COMMD10: variants seen among roughly 807,000 people sequenced by gnomAD.
COMMD10 encodes COMM domain-containing protein 10.
COMMD10 carries 33 observed loss-of-function variants against 28.9 expected under a neutral mutation model. That is an observed-to-expected ratio of 1.14 (90% CI 0.87 to 1.53). The LOEUF (loss-of-function observed/expected upper bound fraction) is 1.53. Ranked by LOEUF, COMMD10 falls within the 40% of genes most tolerant of loss-of-function variation. The pLI is 0.00. For missense variants in COMMD10, 310 were observed against 233.4 expected, an observed-to-expected ratio of 1.33 and a Z score of -2.14; for synonymous variants, 110 against 81.7, an observed-to-expected ratio of 1.35 and a Z score of -1.87.
At chr5:116,188,501 T>A (rs532610131) in intron 5 of COMMD10, 2 of 152,292 alleles carry the variant, frequency 1.3e-5, no homozygotes, top group African/African-American at 4.8e-5. Context: ...CATGCTAATC[T>A]TCCCTTTGTC....
At chr5:116,120,214 A>G (rs6896422) in intron 4 of COMMD10, among the ~76,000 whole-genome samples, 124,291 of 151,758 alleles carry the variant, frequency 0.82, 51,089 homozygotes, top group African/African-American at 0.84. Flanking sequence ...AACTTGGGTG[A>G]CACTGGAGGC....
chr5:116,291,734 G>C (rs1751367470), intron 6 of COMMD10, among the ~76,000 whole-genome samples, 158 bp downstream of exon 6: 1 of 151,180 alleles, frequency 6.6e-6, no homozygotes, highest in Non-Finnish European at 1.5e-5. Context: ...AAGTATAGCA[G>C]AAATGAAGAG....
chr5:116,201,015 G>C (rs1748651495), intron 5 of COMMD10, among the ~76,000 whole-genome samples: 1 of 152,130 alleles, frequency 6.6e-6, no homozygotes, highest in Non-Finnish European at 1.5e-5. Flanking sequence ...CCTCTTGACT[G>C]TGAATTTCAC....
intron 4 of COMMD10, among the ~76,000 whole-genome samples, chr5:116,128,145 A>G (rs1038532719): frequency 9.9e-5 from 15 of 152,006 alleles, no homozygotes; most frequent in Non-Finnish European, 2.2e-4. Context: ...TCCTATTTTG[A>G]GGAGTTAATG....
chr5:116,292,354 T>C, intron 6 of COMMD10, 97 bp from the exon 7 acceptor site: 1 of 630,436 alleles, frequency 1.6e-6, no homozygotes, highest in Non-Finnish European at 2.5e-6. Flanking sequence ...TTACCAGTGC[T>C]ATTTTTTCCT....
intron 5 of COMMD10, among the ~76,000 whole-genome samples, chr5:116,244,518 C>G (rs1749889849): frequency 6.6e-6 from 1 of 151,522 alleles, no homozygotes; most frequent in Non-Finnish European, 1.5e-5. Context: ...ATGAGATGTT[C>G]AAGAGCTATG....
intron 5 of COMMD10, among the ~76,000 whole-genome samples, chr5:116,267,352 C>T (rs1377397803): frequency 6.6e-6 from 1 of 151,812 alleles, no homozygotes; most frequent in Non-Finnish European, 1.5e-5. Flanking sequence ...TTCACAATGG[C>T]TTCAAAGAGA....
At chr5:116,173,553 G>C (rs1162463424) in intron 5 of COMMD10, among the ~76,000 whole-genome samples, 1 of 151,996 alleles carries the variant, frequency 6.6e-6, no homozygotes, top group Non-Finnish European at 1.5e-5. Flanking sequence ...TTTTAAAAAA[G>C]ACTATTTCAT....
At chr5:116,115,187 G>C (rs1751191161) in intron 4 of COMMD10, among the ~76,000 whole-genome samples, 1 of 152,112 alleles carries the variant, frequency 6.6e-6, no homozygotes, top group Non-Finnish European at 1.5e-5. Context: ...CCTTTATACA[G>C]TCTCCTGGTT....
At chr5:116,144,954 T>C (rs1752298595) in intron 5 of COMMD10, among the ~76,000 whole-genome samples, 1 of 151,818 alleles carries the variant, frequency 6.6e-6, no homozygotes, top group Non-Finnish European at 1.5e-5. Context: ...AATACATTTC[T>C]TGAGAAAGTG....
intron 4 of COMMD10, among the ~76,000 whole-genome samples, chr5:116,093,280 A>G (rs1186935149): frequency 3.3e-5 from 5 of 152,226 alleles, no homozygotes; most frequent in Non-Finnish European, 7.3e-5. Flanking sequence ...AAGAACCAAA[A>G]TAGTGAGTAG....
At chr5:116,288,872 C>CTTTTTTTT (rs1157658912) in intron 5 of COMMD10, among the ~76,000 whole-genome samples, 2 of 104,358 alleles carry the variant, frequency 1.9e-5, no homozygotes, top group African/African-American at 3.7e-5. Context: ...TGTTCTCTCT[C>CTTTTTTTT]TTTTTTTTTT....
chr5:116,106,073 T>C (rs917924720), intron 4 of COMMD10, among the ~76,000 whole-genome samples: 3 of 151,894 alleles, frequency 2.0e-5, no homozygotes, highest in Non-Finnish European at 4.4e-5. Flanking sequence ...TTTAGATCTT[T>C]CCTGTTTTTG....
intron 5 of COMMD10, 47 bp downstream of exon 5, chr5:116,134,225 C>G (rs777757800): frequency 9.0e-7 from 1 of 1,109,508 alleles, no homozygotes; most frequent in Non-Finnish European, 1.4e-6. Context: ...TTTGTTAGGA[C>G]TTAAACTTTT....
chr5:116,184,016 A>G (rs1336038458), intron 5 of COMMD10, among the ~76,000 whole-genome samples: 4 of 152,160 alleles, frequency 2.6e-5, no homozygotes, highest in Admixed American at 2.0e-4. Flanking sequence ...AAGGGTTAAT[A>G]ATCCAGTTAA....
intron 5 of COMMD10, among the ~76,000 whole-genome samples, chr5:116,150,084 G>T (rs1331976931): frequency 1.3e-5 from 2 of 152,122 alleles, no homozygotes; most frequent in Non-Finnish European, 2.9e-5. Flanking sequence ...TGGCTAGCCA[G>T]TTTCCCCAGC....
intron 5 of COMMD10, among the ~76,000 whole-genome samples, chr5:116,250,004 T>C (rs922196652): frequency 4.6e-5 from 7 of 151,982 alleles, no homozygotes; most frequent in South Asian, 2.1e-4. Context: ...TATATTGTTA[T>C]ATTTTTCAAA....
At chr5:116,275,288 CT>C (rs1023943817) in intron 5 of COMMD10, among the ~76,000 whole-genome samples, 5 of 151,876 alleles carry the variant, frequency 3.3e-5, no homozygotes, top group Non-Finnish European at 7.3e-5. Flanking sequence ...ATTTAAATTA[CT>C]AGTAGACTGC....
At chr5:116,165,925 T>G (rs936713022) in intron 5 of COMMD10, among the ~76,000 whole-genome samples, 16 of 152,176 alleles carry the variant, frequency 1.1e-4, no homozygotes, top group Non-Finnish European at 1.6e-4. Context: ...GATTACCCTT[T>G]ATCTGCCCCT....
Sources: gnomAD v4.1 joint callset for allele counts (sites outside exome capture counted in the v4.1 genomes callset) on GRCh38, gnomAD v4.1.1 for gene constraint, MANE v1.5 for transcripts, NCBI Gene and HGNC (gene_info 2026-07-23, HGNC 2026-07-21) for gene names.